The following STK11 variants were observed in gnomAD, a reference collection of about 807,000 sequenced individuals.
STK11 encodes serine/threonine kinase 11.
In STK11, 8 loss-of-function variants were observed where a neutral mutation model predicts 47.3. The ratio of observed to expected loss-of-function variants is 0.17; its 90% CI spans 0.10 to 0.31. The LOEUF (loss-of-function observed/expected upper bound fraction) is 0.31. Among genes scored for constraint, STK11 ranks in the 10% least tolerant of loss-of-function variants. The pLI is 1.00. For synonymous variants in STK11, 330 were observed against 255.8 expected (o/e 1.29, Z -2.77); for missense variants, 475 against 605.0 (o/e 0.79, Z 2.25).
At chr19:1,224,849 G>A (rs1352407679) in intron 8 of STK11, 73 of 985,448 alleles carry the variant, frequency 7.4e-5, no homozygotes, top group Middle Eastern at 5.2e-4. Context: ...TCAGGTGGAC[G>A]CCCCTCCCAC....
At chr19:1,210,992 C>G (rs1159635642) in intron 1 of STK11, among the ~76,000 whole-genome samples, 2 of 152,242 alleles carry the variant, frequency 1.3e-5, no homozygotes, top group African/African-American at 2.4e-5. Context: ...GAAACCCTCT[C>G]TCTACTAAAA....
At position 1,227,765 on chromosome 19, in the gene STK11, C is replaced by T; in HGVS notation, c.*189C>T. The T allele has an allele frequency of 5.6e-6, 6 of 1,073,174 alleles. No individual in the cohort carries two copies. The highest frequency in any genetic ancestry group is 6.8e-6 in the Non-Finnish European group (6 of 884,090). The allele number at this position is 1,073,174 out of a possible 1,614,324, so 66.5% of individuals were successfully genotyped here. A position where few individuals can be genotyped will look rare whatever the true frequency, so the allele number is the denominator to read the frequency against. The stretch of plus-strand genomic sequence containing the variant: ...GACAGCAGGGACCGGGCGCAGCCCT[C>T]CCCCCTCGGCCGCCCGGCAGTGCAC... On this transcript the variant is annotated 3_prime_UTR_variant, in exon 10 of 10. Transcript: ENST00000326873.
intron 1 of STK11, among the ~76,000 whole-genome samples, chr19:1,210,355 T>C (rs1193299048): frequency 6.6e-6 from 1 of 152,150 alleles, no homozygotes; most frequent in African/African-American, 2.4e-5. Context: ...AGCGAGTGTC[T>C]GGAACCTTCC....
intron 7 of STK11, among the ~76,000 whole-genome samples, chr19:1,222,501 C>T (rs2080791844): frequency 6.6e-6 from 1 of 152,208 alleles, no homozygotes; most frequent in Non-Finnish European, 1.5e-5. Flanking sequence ...TGCTGGAGCC[C>T]CTCCGAGCCC....
chr19:1,214,980 C>A (rs1450305175), intron 1 of STK11, among the ~76,000 whole-genome samples: 3 of 152,234 alleles, frequency 2.0e-5, no homozygotes, highest in African/African-American at 7.2e-5. Flanking sequence ...CCGGCCACCG[C>A]ATCTCCTCTG....
At chr19:1,217,899 C>T (rs921410849) in intron 1 of STK11, among the ~76,000 whole-genome samples, 5 of 152,158 alleles carry the variant, frequency 3.3e-5, no homozygotes, top group Admixed American at 1.3e-4. Context: ...TAAGAGTGTC[C>T]TTTGGGAGGC....
intron 1 of STK11, 105 bp downstream of exon 1, chr19:1,207,308 C>T: frequency 1.4e-6 from 2 of 1,434,240 alleles, no homozygotes; most frequent in Non-Finnish European, 1.9e-6. Context: ...TTCCTCTTAA[C>T]ACCCTGAGCT....
At chr19:1,224,426 C>T (rs2080807177) in intron 8 of STK11, 48 of 985,440 alleles carry the variant, frequency 4.9e-5, no homozygotes, top group Non-Finnish European at 5.8e-5. Context: ...TCCTTGGGGC[C>T]TGGCTGCAAT....
chr19:1,221,510 T>A, intron 6 of STK11, 170 bp downstream of exon 6: 2 of 1,046,656 alleles, frequency 1.9e-6, no homozygotes, highest in Non-Finnish European at 2.7e-6. Flanking sequence ...GCCAGGTCCC[T>A]CAGCTCCACC....
chr19:1,222,115 C>T, intron 7 of STK11, 109 bp downstream of exon 7: 1 of 1,330,548 alleles, frequency 7.5e-7, no homozygotes, highest in Admixed American at 2.0e-5. Context: ...CCAGGCTGGG[C>T]TGGGGCCAGA....
At position 1,206,935 on chromosome 19, in the gene STK11, C is replaced by G. The variant is rs760588289; in HGVS notation, c.22C>G (p.Gln8Glu). 4 of 1,594,994 alleles carry G rather than the reference C, an allele frequency of 2.5e-6. No individual in the cohort carries two copies. Among genetic ancestry groups the G allele is most frequent in the Non-Finnish European group, 3.4e-6 (4 of 1,171,290 alleles). MEVVDPQ[Q>E]LGMFTEGELM... ...CAGCATGGAGGTGGTGGACCCGCAGCAGCTGGGCATGTTCACGGAGGGCGA... is the reference window on the plus strand; with the variant it reads ...CAGCATGGAGGTGGTGGACCCGCAGGAGCTGGGCATGTTCACGGAGGGCGA... The change falls in exon 1 of 10, where the codon CAG becomes GAG. Residue 8 changes from glutamine (Q) to glutamate (E), a missense_variant. By Grantham distance (29) the Gln-to-Glu change is conservative. This residue lies in a region of STK11 where 33 missense variants were observed against 26.8 expected (regional missense o/e 1.23). Coordinates refer to ENST00000326873, the MANE Select transcript of STK11 (RefSeq NM_000455.5).
intron 1 of STK11, among the ~76,000 whole-genome samples, chr19:1,208,792 T>TC (rs1279453566): frequency 1.3e-5 from 2 of 148,268 alleles, no homozygotes; most frequent in Non-Finnish European, 3.0e-5. Flanking sequence ...TAATTTTTTT[T>TC]TTTTTTTTTT....
Position 1,226,594 on chromosome 19 carries a change from G to A in STK11, c.1249G>A (p.Ala417Thr), listed in dbSNP as rs587782876. ...EGRAPNPARK[A>T]CSASSKIRRL... ...CCGGGCCCCCAACCCTGCCCGCAAG[G>A]CCTGCTCCGCCAGCAGCAAGATCCG... The change falls in exon 9 of 10, where the codon GCC becomes ACC. Residue 417 changes from alanine to threonine, a missense_variant. Around this residue, in one of 5 missense-constraint regions of STK11, gnomAD observed 219 missense variants for 189.2 expected, o/e 1.16. Transcript: ENST00000326873. 6.4e-7 allele frequency: 1 copy of A among 1,566,294 alleles called. No individual in the cohort carries two copies. Among genetic ancestry groups the A allele is most frequent in the Non-Finnish European group, 8.6e-7 (1 of 1,157,352 alleles).
Position 1,206,766 on chromosome 19 carries a change from G to GT in STK11, c.-143dup. ...AACAATCGTTTCTGTTGGAAGAAGG[G>GT]TTTTTCCCTTCCTTTTGGGGTTTTT... On this transcript the variant is annotated 5_prime_UTR_variant, in exon 1 of 10. Coordinates refer to ENST00000326873, the MANE Select transcript of STK11 (RefSeq NM_000455.5). 2.8e-6 allele frequency: 3 copies of GT among 1,064,894 alleles called. No individual in the cohort carries two copies. The highest frequency in any genetic ancestry group is 3.9e-6 in the Non-Finnish European group (3 of 762,716). The allele number at this position is 1,064,894 out of a possible 1,614,324, so 66.0% of individuals were successfully genotyped here.
chr19:1,209,034 G>A (rs1285889574), intron 1 of STK11, among the ~76,000 whole-genome samples: 1 of 152,192 alleles, frequency 6.6e-6, no homozygotes. Context: ...CGGCTGGGAA[G>A]GGTGTGTTTC....
At chr19:1,223,536 G>GC in intron 8 of STK11, 1 of 1,021,074 alleles carries the variant, frequency 9.8e-7, no homozygotes. Flanking sequence ...GTGCAGGGTG[G>GC]CCCCTCAGAC....
chr19:1,219,196 T>G (rs2080764221), intron 2 of STK11, 128 bp from the exon 3 acceptor site: 1 of 1,086,432 alleles, frequency 9.2e-7, no homozygotes, highest in African/African-American at 1.6e-5. Flanking sequence ...GAGGGCAGGG[T>G]GGGCCCTGGT....
At chr19:1,212,055 G>A (rs559593425) in intron 1 of STK11, among the ~76,000 whole-genome samples, 26 of 152,100 alleles carry the variant, frequency 1.7e-4, no homozygotes, top group Non-Finnish European at 3.4e-4. Context: ...CTGGGCAGCC[G>A]CAGAACAGCG....
chr19:1,225,661 C>T (rs528968108), intron 8 of STK11: 72 of 985,582 alleles, frequency 7.3e-5, no homozygotes, highest in Non-Finnish European at 8.3e-5. Flanking sequence ...CTGGTCCATT[C>T]TCGGAGCTGG....
Sources: gnomAD v4.1 joint callset for allele counts (sites outside exome capture counted in the v4.1 genomes callset) on GRCh38, gnomAD v4.1.1 for gene constraint, gnomAD v4.1.1 regional missense constraint, MANE v1.5 for transcripts, NCBI Gene and HGNC (gene_info 2026-07-23, HGNC 2026-07-21) for gene names.